The following CGNL1 variants were observed in gnomAD, a reference collection of about 807,000 sequenced individuals.
CGNL1 encodes cingulin like 1, also known as cingulin-like protein 1.
A neutral mutation model predicts 141.2 loss-of-function variants in CGNL1; 132 were observed. The ratio of observed to expected loss-of-function variants is 0.93; its 90% CI spans 0.81 to 1.08. The LOEUF (loss-of-function observed/expected upper bound fraction) is 1.08. CGNL1 is among the 50% of genes least tolerant of loss of function. CGNL1 has a pLI of 0.00. For missense variants in CGNL1, 1,870 were observed against 1,588.6 expected, an observed-to-expected ratio of 1.18 and a Z score of -3.01; for synonymous variants, 690 against 622.1, an observed-to-expected ratio of 1.11 and a Z score of -1.63.
At chr15:57,511,731 T>C (rs1393602323) in intron 8 of CGNL1, among the ~76,000 whole-genome samples, 1 of 152,232 alleles carries the variant, frequency 6.6e-6, no homozygotes, top group East Asian at 1.9e-4. Context: ...GCACAGTTGT[T>C]ACTTTTGCCT....
chr15:57,510,579 A>G (rs529058066), intron 8 of CGNL1, among the ~76,000 whole-genome samples: 28 of 152,254 alleles, frequency 1.8e-4, no homozygotes, highest in Non-Finnish European at 3.4e-4. Flanking sequence ...AATACCAAGA[A>G]CACAGTATCC....
chr15:57,392,660 C>G (rs1198804770), intron 1 of CGNL1, among the ~76,000 whole-genome samples: 6 of 152,178 alleles, frequency 3.9e-5, no homozygotes, highest in South Asian at 2.1e-4. Context: ...TCATCTGTCT[C>G]CTACTGAAGG....
At chr15:57,479,154 C>T (rs2063693167) in intron 8 of CGNL1, among the ~76,000 whole-genome samples, 1 of 152,160 alleles carries the variant, frequency 6.6e-6, no homozygotes, top group African/African-American at 2.4e-5. Context: ...TTTTCCAGTA[C>T]ATTGGCTGGC....
intron 8 of CGNL1, among the ~76,000 whole-genome samples, chr15:57,470,998 G>A (rs940744430): frequency 2.6e-5 from 4 of 152,154 alleles, no homozygotes; most frequent in African/African-American, 9.7e-5. Flanking sequence ...GGTGTACCTC[G>A]AACTTGCTGA....
At chr15:57,405,583 G>A (rs907443668) in intron 1 of CGNL1, among the ~76,000 whole-genome samples, 3 of 152,172 alleles carry the variant, frequency 2.0e-5, no homozygotes, top group East Asian at 3.9e-4. Flanking sequence ...AGCTTGGTGA[G>A]TGGGGAGCAG....
At chr15:57,384,853 C>G (rs1319972368) in intron 1 of CGNL1, among the ~76,000 whole-genome samples, 1 of 152,202 alleles carries the variant, frequency 6.6e-6, no homozygotes, top group Admixed American at 6.5e-5. Context: ...TCCTCTGTCT[C>G]TAGCAGCCAC....
intron 13 of CGNL1, 81 bp downstream of exon 13, chr15:57,528,896 A>G (rs2031788818): frequency 4.1e-6 from 6 of 1,460,510 alleles, no homozygotes; most frequent in Non-Finnish European, 5.6e-6. Flanking sequence ...CTTTGCTCTC[A>G]GCTCAGCCTT....
chr15:57,507,870 T>G (rs1271427106), intron 8 of CGNL1, among the ~76,000 whole-genome samples: 6 of 152,198 alleles, frequency 3.9e-5, no homozygotes, highest in Admixed American at 2.6e-4. Flanking sequence ...AATCCCAGAC[T>G]GTTAGAGCTG....
intron 8 of CGNL1, among the ~76,000 whole-genome samples, chr15:57,470,179 T>A (rs1417322319): frequency 1.3e-5 from 2 of 149,638 alleles, no homozygotes; most frequent in South Asian, 2.1e-4. Flanking sequence ...CTGCCTAGAG[T>A]GACATGGAAC....
At chr15:57,422,457 A>T (rs1226084757) in intron 1 of CGNL1, among the ~76,000 whole-genome samples, 1 of 152,166 alleles carries the variant, frequency 6.6e-6, no homozygotes, top group African/African-American at 2.4e-5. Flanking sequence ...CTAGGAGAAA[A>T]TGAAGACATT....
intron 1 of CGNL1, 29 bp downstream of exon 1, chr15:57,376,596 G>T: frequency 1.3e-5 from 2 of 153,560 alleles, no homozygotes; most frequent in South Asian, 3.7e-4. Context: ...GGAGCGGGGC[G>T]GGGTGTGCGC....
chr15:57,407,921 A>G (rs911744394), intron 1 of CGNL1, among the ~76,000 whole-genome samples: 23 of 151,604 alleles, frequency 1.5e-4, no homozygotes, highest in African/African-American at 5.6e-4. Flanking sequence ...GCTAATTTTT[A>G]CATTTTTATT....
chr15:57,542,267 T>C (rs1307152869), intron 14 of CGNL1, among the ~76,000 whole-genome samples: 2 of 152,236 alleles, frequency 1.3e-5, no homozygotes, highest in Non-Finnish European at 2.9e-5. Flanking sequence ...CCCTGGTGTC[T>C]GGGGCTGTGT....
intron 12 of CGNL1, among the ~76,000 whole-genome samples, chr15:57,525,574 T>G (rs1050246101): frequency 6.6e-6 from 1 of 152,216 alleles, no homozygotes; most frequent in South Asian, 2.1e-4. Flanking sequence ...TCCCGGACAC[T>G]TCATAAATAT....
intron 8 of CGNL1, among the ~76,000 whole-genome samples, chr15:57,506,914 T>C (rs1332841548): frequency 1.3e-5 from 2 of 152,260 alleles, no homozygotes; most frequent in Non-Finnish European, 2.9e-5. Flanking sequence ...TTTTGTTTTC[T>C]TTTGTTTTTA....
intron 8 of CGNL1, among the ~76,000 whole-genome samples, chr15:57,493,798 G>T (rs1216729680): frequency 6.6e-6 from 1 of 152,198 alleles, no homozygotes; most frequent in African/African-American, 2.4e-5. Flanking sequence ...CTTTCCATCT[G>T]CTATGGTTAT....
Position 57,442,391 on chromosome 15 carries a change from T to C in CGNL1, c.1716T>C (p.Asp572=), listed in dbSNP as rs1203263296. 1.2e-6 allele frequency: 2 copies of C among 1,612,264 alleles called. No individual in the cohort carries two copies. Among genetic ancestry groups the C allele is most frequent in the South Asian group, 1.1e-5 (1 of 91,012 alleles). ...YLKEGSTDND[D]ATKRKVNLVF... Reference sequence around the variant, plus strand: ...TTTTCAGAAGCACTGATAATGACGATGCTACTAAAAGGAAAGTCAACTTGG... The same window carrying C: ...TTTTCAGAAGCACTGATAATGACGACGCTACTAAAAGGAAAGTCAACTTGG... The change falls in exon 4 of 19, where the codon GAT becomes GAC. Residue 572 remains aspartate, a synonymous_variant. Transcript: ENST00000281282.
rs930639148 is a variant in CGNL1, at chr15:57,440,541, A to G, written c.1697+70A>G. ...GTGGGACTCTTAATTTCCTTTTCCG[A>G]GGCTTTAATGGTTACCTTCCTTTCT... On this transcript the variant is annotated intron_variant, in intron 3 of 18. Coordinates refer to ENST00000281282, the MANE Select transcript of CGNL1 (RefSeq NM_032866.5). 7 of 1,216,200 alleles carry G rather than the reference A, an allele frequency of 5.8e-6. No homozygotes were observed. In the African/African-American group the frequency reaches 1.1e-4, roughly 18 times the overall value. 75.3% of individuals were successfully genotyped at this position (1,216,200 alleles called of 1,614,324 possible).
rs147139323 is a variant in CGNL1, at chr15:57,482,047, G to A, written c.2403+20155G>A. Among the ~76,000 whole-genome samples the A allele has an allele frequency of 2.6e-4, 39 of 151,832 alleles. No homozygotes were observed. In the East Asian group the frequency reaches 4.4e-3, roughly 17 times the overall value. ...GTCATTTCATGTGCTCTTTTGCCAC[G>A]TATATCCTCTTTGGTGAAATATCTA... is the stretch of plus-strand genomic sequence containing the variant. On this transcript the variant is annotated intron_variant, in intron 8 of 18. Coordinates refer to ENST00000281282, the MANE Select transcript of CGNL1 (RefSeq NM_032866.5).
Sources: allele counts gnomAD v4.1 joint callset (sites outside exome capture counted in the v4.1 genomes callset), GRCh38; gene constraint gnomAD v4.1.1; transcripts MANE v1.5; gene names NCBI Gene and HGNC (gene_info 2026-07-23, HGNC 2026-07-21).